Variants in PER2 observed in about 807,000 individuals in gnomAD.
PER2 encodes the protein period circadian protein homolog 2.
In PER2, 66 loss-of-function variants were observed where a neutral mutation model predicts 121.0. The observed-to-expected ratio is 0.55, with a 90% confidence interval of 0.45 to 0.67. The LOEUF (loss-of-function observed/expected upper bound fraction) is 0.67. PER2 is among the 30% of genes least tolerant of loss of function. PER2 has a pLI of 0.00. For synonymous variants in PER2, 684 were observed against 659.9 expected (o/e 1.04, Z -0.56); for missense variants, 1,521 against 1,635.0 (o/e 0.93, Z 1.20).
chr2:238,253,628 A>T lies in PER2; in HGVS notation c.2395T>A (p.Ser799Thr). The part of the protein sequence containing the change: ...KKTGKNRKLK[S>T]KRVKPRDSSE... ...GAGTCTCGAGGTTTGACCCGCTTGG[A>T]CTTCAATTTTCTGTTCTTTCCTGTT... The change falls in exon 19 of 23, where the codon TCC (serine) becomes ACC (threonine). Residue 799 changes from serine to threonine, a missense_variant. Physicochemically the swap from Ser to Thr is moderately conservative, Grantham distance 58 (BLOSUM62 1). Transcript: ENST00000254657. This position sits in a 1 kb window ranked among gnomAD's most constrained non-coding sequence, Gnocchi z 5.6. The T allele has an allele frequency of 6.2e-7, 1 of 1,609,562 alleles. No homozygotes were observed. Among genetic ancestry groups the T allele is most frequent in the Non-Finnish European group, 8.5e-7 (1 of 1,177,784 alleles).
At chr2:238,289,487 TAG>T (rs1696904468), upstream of PER2, 1 of 152,324 alleles carries the variant, frequency 6.6e-6, no homozygotes, top group African/African-American at 2.4e-5. Flanking sequence ...GTTCAGGAAA[TAG>T]AGTCATTGTT....
chr2:238,260,382 G>A (rs1695890516), intron 13 of PER2, among the ~76,000 whole-genome samples: 2 of 151,658 alleles, frequency 1.3e-5, no homozygotes, highest in Non-Finnish European at 2.9e-5. Flanking sequence ...TCAGCCTCCC[G>A]AGTAGCTGGG....
At chr2:238,258,842 TG>T (rs34677574) in intron 14 of PER2, among the ~76,000 whole-genome samples, 198 bp from the exon 15 acceptor site, 11 of 150,986 alleles carry the variant, frequency 7.3e-5, no homozygotes, top group South Asian at 2.1e-4. Context: ...CAGAGAGACC[TG>T]GGGGGGGAGC....
intron 1 of PER2, among the ~76,000 whole-genome samples, chr2:238,285,094 G>C (rs1696743768): frequency 6.6e-6 from 1 of 152,254 alleles, no homozygotes; most frequent in South Asian, 2.1e-4. Flanking sequence ...TGGTTGAAAA[G>C]GGGCTGCCAA....
chr2:238,282,023 T>C (rs893683754), intron 1 of PER2, among the ~76,000 whole-genome samples: 4 of 152,114 alleles, frequency 2.6e-5, no homozygotes, highest in Non-Finnish European at 1.5e-5. Flanking sequence ...GGCCCTGCTA[T>C]GGTTAACACA....
At position 238,252,856 on chromosome 2, in the gene PER2, T is replaced by C. The variant is rs1695644309; in HGVS notation, c.3111+56A>G. 3.4e-6 allele frequency: 5 copies of C among 1,472,998 alleles called. No individual in the cohort carries two copies. The highest frequency in any genetic ancestry group is 1.7e-5 in the Admixed American group (1 of 59,846). 91.2% of individuals were successfully genotyped at this position (1,472,998 alleles called of 1,614,324 possible). ...CTGAACTGAGGATGTGCGGCCGGCCTGCCAGGTGTGCTGTTTGCTGCCTGC... is the reference window on the plus strand; with the variant it reads ...CTGAACTGAGGATGTGCGGCCGGCCCGCCAGGTGTGCTGTTTGCTGCCTGC... On this transcript the variant is annotated intron_variant, in intron 19 of 22. Coordinates refer to ENST00000254657, the MANE Select transcript of PER2 (RefSeq NM_022817.3). This position sits in a 1 kb window ranked among gnomAD's most constrained non-coding sequence, Gnocchi z 4.2.
Position 238,281,373 on chromosome 2 carries a change from T to C in PER2, c.-19-3418A>G, listed in dbSNP as rs554792441. 2.0e-4 allele frequency among the ~76,000 whole-genome samples: 31 copies of C among 152,352 alleles called. No individual in the cohort carries two copies. The South Asian group carries it at 6.2e-3, about 31-fold the overall frequency. On this transcript the variant is annotated intron_variant, in intron 1 of 22. Transcript: ENST00000254657. ...GGAGGAAATCTCAATTACAGGATAC[T>C]TGATTGTGGGTTACATAGCTGGTTT...
rs1696184060 is a variant in PER2, at chr2:238,268,553, T to A, written c.825-355A>T. The stretch of plus-strand genomic sequence containing the variant: ...CCTGACAGTGCAGCTGGATGCTCAA[T>A]CAGTCACCCTGGTTTGGACCAAGAC... On this transcript the variant is annotated intron_variant, in intron 7 of 22. Transcript: ENST00000254657. This position sits in a 1 kb window ranked among gnomAD's most constrained non-coding sequence, Gnocchi z 4.0. Among the ~76,000 whole-genome samples the A allele has an allele frequency of 6.6e-6, 1 of 152,126 alleles. No individual in the cohort carries two copies. The highest frequency in any genetic ancestry group is 2.4e-5 in the African/African-American group (1 of 41,426).
rs775482052 is a variant in PER2 at position 238,255,908 on chromosome 2, A to G, written c.2069T>C (p.Met690Thr). The G allele has an allele frequency of 6.2e-7, 1 of 1,614,240 alleles. No homozygotes were observed. The highest frequency in any genetic ancestry group is 2.2e-5 in the East Asian group (1 of 44,886). ...TGGCCCACTCGCAGCATCTTCCACC[A>G]TCTCTGTAACACAAGAACCCAGGGC... is the stretch of plus-strand genomic sequence containing the variant. ...GDKKPQPELE[M>T]VEDAASGPES... Residue 690 changes from methionine to threonine, a missense_variant, in exon 18 of 23, where the codon ATG becomes ACG. Met to Thr is a moderately conservative substitution (Grantham distance 81). Coordinates refer to ENST00000254657, the MANE Select transcript of PER2 (RefSeq NM_022817.3).
chr2:238,295,204 AGTT>A, the PER2 span, among the ~76,000 whole-genome samples: 83 of 148,784 alleles, frequency 5.6e-4, no homozygotes, highest in Middle Eastern at 3.5e-3. Context: ...GAAGCAACAA[AGTT>A]GTTGTTGTTG....
intron 6 of PER2, among the ~76,000 whole-genome samples, chr2:238,270,009 C>T (rs958109274): frequency 6.6e-6 from 1 of 152,236 alleles, no homozygotes; most frequent in Non-Finnish European, 1.5e-5. Context: ...GGGGGAATGG[C>T]AAGACTGGGA....
At chr2:238,251,551 C>T in intron 20 of PER2, 48 bp downstream of exon 20, 1 of 1,570,522 alleles carries the variant, frequency 6.4e-7, no homozygotes, top group Non-Finnish European at 8.8e-7. Context: ...AGCAGTGCAT[C>T]CTGCAGGAAC....
upstream of PER2, among the ~76,000 whole-genome samples, chr2:238,293,549 A>G (rs989441769): frequency 2.0e-5 from 3 of 152,126 alleles, 1 homozygote; most frequent in South Asian, 4.1e-4. Flanking sequence ...AGCCTGGCCA[A>G]CATGGTGAAA....
At position 238,253,520 on chromosome 2, in the gene PER2, C is replaced by CT; in HGVS notation, c.2502dup (p.Asp835ArgfsTer114). 1 of 1,611,746 alleles carries CT rather than the reference C, an allele frequency of 6.2e-7. No homozygotes were observed. Among genetic ancestry groups the CT allele is most frequent in the Non-Finnish European group, 8.5e-7 (1 of 1,179,360 alleles). ...GCTGGGCAGCTGGACTGGGACGTGT[C>CT]TGAGGGTGACCAGGCTGTGGCGTTC... On this transcript the variant is annotated frameshift_variant, in exon 19 of 23. Coordinates refer to ENST00000254657, the MANE Select transcript of PER2 (RefSeq NM_022817.3). LOFTEE classifies it high-confidence loss of function. This position sits in a 1 kb window ranked among gnomAD's most constrained non-coding sequence, Gnocchi z 5.6.
rs143966675 is a variant in PER2 at position 238,272,847 on chromosome 2, T to C, written c.570+223A>G. The stretch of plus-strand genomic sequence containing the variant: ...GCACCCATGAGCTACAGGACAAAGT[T>C]GGTCAGGGACGAGGAAGACAGTCTC... On this transcript the variant is annotated intron_variant, in intron 5 of 22. Transcript: ENST00000254657. 2.0e-3 allele frequency among the ~76,000 whole-genome samples: 306 copies of C among 152,352 alleles called. 2 individuals carry two copies. Among genetic ancestry groups the C allele is most frequent in the African/African-American group, 6.8e-3 (284 of 41,590 alleles).
At chr2:238,285,231 C>T (rs1184243046) in intron 1 of PER2, among the ~76,000 whole-genome samples, 2 of 150,850 alleles carry the variant, frequency 1.3e-5, no homozygotes, top group Non-Finnish European at 3.0e-5. Flanking sequence ...CTGACCAGGT[C>T]ACCTGGCCAC....
Position 238,258,271 on chromosome 2 carries a change from G to A in PER2, c.1900+5C>T. On this transcript the variant is annotated splice_donor_5th_base_variant and intron_variant, in intron 16 of 22. Transcript: ENST00000254657. ...CATGTACATGGCTCTACACAGATTA[G>A]ATACCTCCAGCGTGTGGCCCTGGGC... 6 of 1,614,162 alleles carry A rather than the reference G, an allele frequency of 3.7e-6. No homozygotes were observed. The highest frequency in any genetic ancestry group is 5.1e-6 in the Non-Finnish European group (6 of 1,179,988).
intron 10 of PER2, 58 bp downstream of exon 10, chr2:238,262,894 C>T: frequency 8.3e-7 from 1 of 1,210,894 alleles, no homozygotes; most frequent in South Asian, 1.2e-5. Context: ...GAAGCAGCCC[C>T]AAGGACACAG....
chr2:238,248,709 G>A (rs956113445), intron 22 of PER2, among the ~76,000 whole-genome samples: 21 of 148,468 alleles, frequency 1.4e-4, no homozygotes, highest in Non-Finnish European at 2.8e-4. Flanking sequence ...AGGCTGGAGT[G>A]CAGTGGTGCC....
Sources: allele counts gnomAD v4.1 joint callset (sites outside exome capture counted in the v4.1 genomes callset), GRCh38; gene constraint gnomAD v4.1.1; non-coding constraint Gnocchi (gnomAD v3.1); transcripts MANE v1.5; gene names NCBI Gene and HGNC (gene_info 2026-07-23, HGNC 2026-07-21).